Variants in CADPS2 observed in about 807,000 individuals in gnomAD.
The protein encoded by CADPS2 is calcium-dependent secretion activator 2.
CADPS2 carries 93 observed loss-of-function variants against 172.5 expected under a neutral mutation model. That is an observed-to-expected ratio of 0.54 (90% CI 0.46 to 0.64). CADPS2 has a LOEUF of 0.64. Ranked by LOEUF, CADPS2 falls within the 30% of genes least tolerant of loss-of-function variation. The pLI, the probability that CADPS2 is intolerant of heterozygous loss-of-function variation, is 0.00. For missense variants in CADPS2, 1,420 were observed against 1,565.9 expected, an observed-to-expected ratio of 0.91 and a Z score of 1.57; for synonymous variants, 546 against 555.2, an observed-to-expected ratio of 0.98 and a Z score of 0.23.
intron 29 of CADPS2, among the ~76,000 whole-genome samples, chr7:122,323,203 A>G (rs911730796): frequency 6.6e-6 from 1 of 152,184 alleles, no homozygotes; most frequent in Non-Finnish European, 1.5e-5. Context: ...AATTATTTCT[A>G]ATTATTAAAT....
intron 17 of CADPS2, among the ~76,000 whole-genome samples, chr7:122,418,242 G>C (rs1435455643): frequency 6.6e-6 from 1 of 151,786 alleles, no homozygotes; most frequent in African/African-American, 2.4e-5. Flanking sequence ...CGCTTCCCAC[G>C]TGTTAGCACA....
At chr7:122,485,806 G>A (rs919709813) in intron 11 of CADPS2, among the ~76,000 whole-genome samples, 1 of 152,186 alleles carries the variant, frequency 6.6e-6, no homozygotes, top group Non-Finnish European at 1.5e-5. Context: ...CAAAGCTTCA[G>A]AGTACAGGCT....
intron 9 of CADPS2, among the ~76,000 whole-genome samples, chr7:122,502,516 T>C (rs2059285008): frequency 6.6e-6 from 1 of 152,058 alleles, no homozygotes; most frequent in African/African-American, 2.4e-5. Flanking sequence ...TCTCTATTTA[T>C]TGAAAAACAA....
At chr7:122,769,629 C>T (rs962012072) in intron 1 of CADPS2, among the ~76,000 whole-genome samples, 2 of 152,170 alleles carry the variant, frequency 1.3e-5, no homozygotes, top group African/African-American at 2.4e-5. Flanking sequence ...TTTCTCAAGT[C>T]TCTTAGATAA....
At chr7:122,511,646 A>G (rs1161493055) in intron 9 of CADPS2, among the ~76,000 whole-genome samples, 1 of 152,178 alleles carries the variant, frequency 6.6e-6, no homozygotes, top group Non-Finnish European at 1.5e-5. Context: ...TGCTAACAAC[A>G]TTAGCCATTG....
At chr7:122,655,134 T>G (rs1394515005) in intron 3 of CADPS2, among the ~76,000 whole-genome samples, 2 of 152,188 alleles carry the variant, frequency 1.3e-5, no homozygotes, top group Non-Finnish European at 2.9e-5. Context: ...GAAAGTTGTG[T>G]CTTGAAGTGA....
chr7:122,526,156 CTG>C (rs2061215140), intron 8 of CADPS2, among the ~76,000 whole-genome samples: 1 of 151,116 alleles, frequency 6.6e-6, no homozygotes, highest in Non-Finnish European at 1.5e-5. Context: ...TGGATAAACA[CTG>C]TGTTGATATC....
intron 7 of CADPS2, among the ~76,000 whole-genome samples, chr7:122,564,331 G>A (rs2066127625): frequency 6.6e-6 from 1 of 152,136 alleles, no homozygotes; most frequent in African/African-American, 2.4e-5. Flanking sequence ...TAGAGATGGA[G>A]TCTCACTCTG....
At chr7:122,748,316 T>C (rs1014031855) in intron 1 of CADPS2, among the ~76,000 whole-genome samples, 1 of 152,128 alleles carries the variant, frequency 6.6e-6, no homozygotes, top group African/African-American at 2.4e-5. Flanking sequence ...AGATGCAGCA[T>C]GGGTAGCTCT....
intron 5 of CADPS2, among the ~76,000 whole-genome samples, chr7:122,620,640 C>G (rs1214848786): frequency 6.6e-6 from 1 of 152,102 alleles, no homozygotes; most frequent in Admixed American, 6.6e-5. Context: ...TTTCTTCTTG[C>G]TCTAATATGT....
chr7:122,601,874 A>G (rs1405572894), intron 6 of CADPS2, among the ~76,000 whole-genome samples: 1 of 152,082 alleles, frequency 6.6e-6, no homozygotes, highest in Non-Finnish European at 1.5e-5. Flanking sequence ...AAGTTACCTG[A>G]TAATTGTCAG....
chr7:122,445,470 A>G (rs902877891), intron 15 of CADPS2, among the ~76,000 whole-genome samples: 1 of 152,044 alleles, frequency 6.6e-6, no homozygotes, highest in Admixed American at 6.6e-5. Context: ...TGTAAATGAT[A>G]TTATTTAATT....
At chr7:122,804,816 C>T (rs1262527376) in intron 1 of CADPS2, among the ~76,000 whole-genome samples, 2 of 152,130 alleles carry the variant, frequency 1.3e-5, no homozygotes, top group African/African-American at 4.8e-5. Context: ...TGGTAATTCA[C>T]TATGCTGCCT....
chr7:122,872,939 C>T (rs1344252501), intron 1 of CADPS2, among the ~76,000 whole-genome samples: 1 of 152,060 alleles, frequency 6.6e-6, no homozygotes, highest in Non-Finnish European at 1.5e-5. Flanking sequence ...ATACATGTGT[C>T]CTGCCCTTTG....
At chr7:122,826,591 A>G (rs531602329) in intron 1 of CADPS2, among the ~76,000 whole-genome samples, 1 of 152,298 alleles carries the variant, frequency 6.6e-6, no homozygotes, top group Admixed American at 6.5e-5. Context: ...TCAGCAAAGG[A>G]AAAGAACATC....
intron 17 of CADPS2, among the ~76,000 whole-genome samples, chr7:122,431,396 T>A (rs937037610): frequency 1.3e-5 from 2 of 151,918 alleles, no homozygotes; most frequent in Non-Finnish European, 2.9e-5. Flanking sequence ...ATAAGCGCTG[T>A]GGAAGAAAAT....
At chr7:122,384,003 G>C (rs1479016309) in intron 24 of CADPS2, among the ~76,000 whole-genome samples, 2 of 152,082 alleles carry the variant, frequency 1.3e-5, no homozygotes, top group Non-Finnish European at 2.9e-5. Context: ...AATGCCTACA[G>C]CCCAGGTAGT....
chr7:122,717,092 C>T (rs568989777), intron 2 of CADPS2, among the ~76,000 whole-genome samples: 2 of 152,230 alleles, frequency 1.3e-5, no homozygotes, highest in South Asian at 4.1e-4. Context: ...TGAATACTTC[C>T]TAATATATTT....
chr7:122,489,568 A>C (rs1448054904), intron 11 of CADPS2, among the ~76,000 whole-genome samples: 1 of 152,148 alleles, frequency 6.6e-6, no homozygotes, highest in African/African-American at 2.4e-5. Context: ...TCAAAAAGTG[A>C]CATGTCTTTA....
Sources: allele counts gnomAD v4.1 joint callset (sites outside exome capture counted in the v4.1 genomes callset), GRCh38; gene constraint gnomAD v4.1.1; transcripts MANE v1.5; gene names NCBI Gene and HGNC (gene_info 2026-07-23, HGNC 2026-07-21).